The following GRM5 variants were observed in gnomAD, a reference collection of about 807,000 sequenced individuals.
GRM5 encodes the protein metabotropic glutamate receptor 5.
A neutral mutation model predicts 83.1 loss-of-function variants in GRM5; 19 were observed. The observed-to-expected ratio is 0.23, with a 90% CI of 0.16 to 0.34. The LOEUF (loss-of-function observed/expected upper bound fraction) is 0.34. GRM5 is among the 10% of genes least tolerant of loss of function. GRM5 has a pLI of 1.00. For synonymous variants in GRM5, 675 were observed against 633.6 expected, an observed-to-expected ratio of 1.07 and a Z score of -0.98; for missense variants, 1,160 against 1,588.3, an observed-to-expected ratio of 0.73 and a Z score of 4.58.
chr11:88,826,067 T>C (rs1943890874), intron 3 of GRM5, among the ~76,000 whole-genome samples: 1 of 152,178 alleles, frequency 6.6e-6, no homozygotes, highest in Non-Finnish European at 1.5e-5. Flanking sequence ...AGGTGTTTTC[T>C]TCTAGAATAA....
chr11:88,583,693 A>C (rs185007063), intron 7 of GRM5, among the ~76,000 whole-genome samples: 1 of 152,142 alleles, frequency 6.6e-6, no homozygotes, highest in Non-Finnish European at 1.5e-5. Flanking sequence ...TCTCCTCCTA[A>C]ATTCTTTGAT....
intron 3 of GRM5, among the ~76,000 whole-genome samples, chr11:88,759,623 TAGTG>T (rs1182900761): frequency 6.6e-6 from 1 of 152,078 alleles, no homozygotes; most frequent in Admixed American, 6.6e-5. Context: ...CACACAATAA[TAGTG>T]GGAGATTTCA....
At chr11:88,938,990 C>T (rs1485324352) in intron 2 of GRM5, among the ~76,000 whole-genome samples, 1 of 151,702 alleles carries the variant, frequency 6.6e-6, no homozygotes, top group Non-Finnish European at 1.5e-5. Context: ...TGATATTTGC[C>T]TAAAATGTTC....
rs142169319 is a variant in GRM5 at position 88,733,759 on chromosome 11, G to A, written c.912-80356C>T. On this transcript the variant is annotated intron_variant, in intron 3 of 9. Coordinates refer to ENST00000305447, the MANE Select transcript of GRM5 (RefSeq NM_001143831.3). ...AATAGCAGATAAACTTCTCGAGAAC[G>A]TGTAAATTTTATTCTTGTAACTGTT... Among the ~76,000 whole-genome samples, 660 of 152,114 alleles carry A rather than the reference G, an allele frequency of 4.3e-3. 3 individuals are homozygous for A. Among genetic ancestry groups the A allele is most frequent in the African/African-American group, 0.015 (633 of 41,538 alleles).
intron 8 of GRM5, among the ~76,000 whole-genome samples, chr11:88,555,634 A>G (rs1192770516): frequency 6.6e-6 from 1 of 152,158 alleles, no homozygotes; most frequent in Non-Finnish European, 1.5e-5. Context: ...GTTTTAACTC[A>G]GCAGAGGGGG....
At chr11:88,668,297 G>GCACACACACACACA (rs72052705) in intron 3 of GRM5, among the ~76,000 whole-genome samples, 42 of 130,118 alleles carry the variant, frequency 3.2e-4, no homozygotes, top group African/African-American at 9.2e-4. Context: ...CCAGAAACTC[G>GCACACACACACACA]CACACACACA....
intron 9 of GRM5, among the ~76,000 whole-genome samples, chr11:88,515,013 T>G (rs761701744): frequency 1.3e-5 from 2 of 152,086 alleles, no homozygotes; most frequent in Non-Finnish European, 2.9e-5. Flanking sequence ...CCTAATAAAT[T>G]CCTGGTGGGA....
In GRM5 at chr11:88,988,655, G is replaced by A. The variant is rs59629251; in HGVS notation, c.661+58557C>T. ...AAGGGAAGCCCATCAGACTAACAGC[G>A]GATCTCTCGGCAGAAACCCTACAAG... On this transcript the variant is annotated intron_variant, in intron 2 of 9. Coordinates refer to ENST00000305447, the MANE Select transcript of GRM5 (RefSeq NM_001143831.3). 2.0e-3 allele frequency among the ~76,000 whole-genome samples: 298 copies of A among 151,536 alleles called. 8 individuals carry two copies. The East Asian group carries it at 0.049, about 25-fold the overall frequency.
chr11:89,058,625 A>C (rs1591085183), intron 1 of GRM5, among the ~76,000 whole-genome samples: 1 of 152,184 alleles, frequency 6.6e-6, no homozygotes, highest in Non-Finnish European at 1.5e-5. Context: ...GCCTTACTCA[A>C]TGTTTATGCA....
At chr11:88,862,614 T>G (rs1370181384) in intron 2 of GRM5, among the ~76,000 whole-genome samples, 1 of 152,150 alleles carries the variant, frequency 6.6e-6, no homozygotes, top group African/African-American at 2.4e-5. Flanking sequence ...ACAAGGACTG[T>G]GTAGTATTGA....
intron 9 of GRM5, among the ~76,000 whole-genome samples, chr11:88,519,395 A>G (rs920904220): frequency 7.9e-5 from 12 of 151,798 alleles, no homozygotes; most frequent in African/African-American, 2.7e-4. Context: ...TTTATGAAGA[A>G]CCTTGTATTC....
chr11:88,776,978 G>A (rs1451806008), intron 3 of GRM5, among the ~76,000 whole-genome samples: 1 of 152,164 alleles, frequency 6.6e-6, no homozygotes, highest in East Asian at 1.9e-4. Context: ...GAATTTGAAT[G>A]TTGTCCTGCC....
At chr11:89,062,150 A>T (rs1045684589) in intron 1 of GRM5, among the ~76,000 whole-genome samples, 2 of 152,256 alleles carry the variant, frequency 1.3e-5, no homozygotes, top group African/African-American at 4.8e-5. Flanking sequence ...GGAAATAAAC[A>T]TGCATAAAGG....
intron 2 of GRM5, among the ~76,000 whole-genome samples, chr11:89,027,178 C>T (rs1941147001): frequency 6.6e-6 from 1 of 152,016 alleles, no homozygotes; most frequent in Non-Finnish European, 1.5e-5. Context: ...TCACTGCAAC[C>T]TCCGCCTCCT....
intron 8 of GRM5, among the ~76,000 whole-genome samples, chr11:88,554,929 A>G: frequency 6.6e-6 from 1 of 152,166 alleles, no homozygotes; most frequent in East Asian, 1.9e-4. Context: ...CTAGAGTTTA[A>G]TGAATCTGCA....
intron 2 of GRM5, among the ~76,000 whole-genome samples, chr11:88,986,623 G>T (rs768973788): frequency 2.0e-5 from 3 of 151,512 alleles, no homozygotes; most frequent in Admixed American, 2.0e-4. Context: ...TATGTGGTTT[G>T]CAAATATCCT....
At chr11:88,639,272 C>T (rs537074008) in intron 4 of GRM5, among the ~76,000 whole-genome samples, 1 of 152,228 alleles carries the variant, frequency 6.6e-6, no homozygotes, top group East Asian at 1.9e-4. Context: ...CTACACATCT[C>T]CAGCATTCTC....
chr11:88,697,350 C>T (rs888245668), intron 3 of GRM5, among the ~76,000 whole-genome samples: 6 of 152,110 alleles, frequency 3.9e-5, no homozygotes, highest in South Asian at 2.1e-4. Context: ...AGGATTGATG[C>T]GCTTTTGTAT....
At chr11:88,952,927 A>C (rs1938506206) in intron 2 of GRM5, among the ~76,000 whole-genome samples, 1 of 152,216 alleles carries the variant, frequency 6.6e-6, no homozygotes, top group African/African-American at 2.4e-5. Context: ...AGAAAAATAA[A>C]AATTTAATAG....
Sources: gnomAD v4.1 joint callset for allele counts (sites outside exome capture counted in the v4.1 genomes callset) on GRCh38, gnomAD v4.1.1 for gene constraint, MANE v1.5 for transcripts, NCBI Gene and HGNC (gene_info 2026-07-23, HGNC 2026-07-21) for gene names.